Variants in MGAT4C observed in about 807,000 individuals in gnomAD.
MGAT4C encodes alpha-1,3-mannosyl-glycoprotein 4-beta-N-acetylglucosaminyltransferase C.
Under a neutral mutation model 40.1 loss-of-function variants are expected in MGAT4C, and 19 were observed. The ratio of observed to expected loss-of-function variants is 0.47; its 90% CI spans 0.33 to 0.70. The LOEUF (loss-of-function observed/expected upper bound fraction) is 0.70. Among genes scored for constraint, MGAT4C ranks in the 30% least tolerant of loss-of-function variants. The probability of loss-of-function intolerance (pLI) is 0.02; values close to 1 mark genes in which losing one functional copy is unlikely to be tolerated. For missense variants in MGAT4C, 491 were observed against 563.2 expected (o/e 0.87, Z 1.30); for synonymous variants, 181 against 187.1 (o/e 0.97, Z 0.27).
At chr12:85,992,058 T>G (rs759293894) in intron 2 of MGAT4C, among the ~76,000 whole-genome samples, 56 of 152,164 alleles carry the variant, frequency 3.7e-4, no homozygotes, top group Non-Finnish European at 6.9e-4. Context: ...TGTAACATTT[T>G]GGGGGCTCAT....
Position 86,354,481 on chromosome 12 carries a change from G to A in MGAT4C, c.-119-20354C>T, listed in dbSNP as rs367941515. Among the ~76,000 whole-genome samples the A allele has an allele frequency of 9.5e-4, 145 of 152,176 alleles. No homozygotes were observed. In the South Asian group the frequency reaches 0.021, roughly 22 times the overall value. On this transcript the variant is annotated intron_variant, in intron 3 of 7. Transcript: ENST00000548651. ...AAAGCAGATATTATAAATGCGTCTC[G>A]ATGAAGGCAAAAGCCCTTGAAATGA...
chr12:86,505,430 T>C (rs1351271093), intron 2 of MGAT4C, among the ~76,000 whole-genome samples: 1 of 152,200 alleles, frequency 6.6e-6, no homozygotes, highest in African/African-American at 2.4e-5. Context: ...TATGCCAGTT[T>C]AGGTGAGGCC....
At chr12:86,394,083 G>A (rs1171005789) in intron 3 of MGAT4C, among the ~76,000 whole-genome samples, 1 of 152,152 alleles carries the variant, frequency 6.6e-6, no homozygotes, top group Non-Finnish European at 1.5e-5. Flanking sequence ...AATAGCAGAT[G>A]CTGAGCAGCC....
intron 3 of MGAT4C, among the ~76,000 whole-genome samples, chr12:86,419,098 C>T (rs992878218): frequency 2.0e-5 from 3 of 152,010 alleles, no homozygotes; most frequent in African/African-American, 7.2e-5. Flanking sequence ...CAATCAAATG[C>T]ATTCATGAGG....
At chr12:86,804,795 G>T (rs941651655) in intron 1 of MGAT4C, among the ~76,000 whole-genome samples, 1 of 151,854 alleles carries the variant, frequency 6.6e-6, no homozygotes, top group Non-Finnish European at 1.5e-5. Context: ...GCAAACTTAT[G>T]GCACATTTTT....
intron 1 of MGAT4C, among the ~76,000 whole-genome samples, chr12:86,072,156 G>T (rs1386197320): frequency 6.6e-6 from 1 of 151,876 alleles, no homozygotes; most frequent in Non-Finnish European, 1.5e-5. Context: ...CTCTTTTACA[G>T]ATGATAGAAC....
intron 2 of MGAT4C, among the ~76,000 whole-genome samples, chr12:86,683,726 CCCA>C (rs1950023263): frequency 6.6e-6 from 1 of 152,132 alleles, no homozygotes; most frequent in Middle Eastern, 3.2e-3. Flanking sequence ...AGAATTTCTC[CCCA>C]CGTTTTTTTC....
intron 1 of MGAT4C, among the ~76,000 whole-genome samples, chr12:86,168,094 A>G (rs1228166740): frequency 6.6e-6 from 1 of 152,228 alleles, no homozygotes; most frequent in Admixed American, 6.5e-5. Flanking sequence ...TCTCTTTATC[A>G]AATATCATTT....
At chr12:86,831,511 C>T (rs1207465535) in intron 1 of MGAT4C, among the ~76,000 whole-genome samples, 1 of 151,842 alleles carries the variant, frequency 6.6e-6, no homozygotes, top group Non-Finnish European at 1.5e-5. Context: ...TGTATATAAA[C>T]ACTCTCACAT....
intron 2 of MGAT4C, among the ~76,000 whole-genome samples, chr12:86,440,568 A>C (rs1194009878): frequency 6.6e-6 from 1 of 152,118 alleles, no homozygotes; most frequent in Non-Finnish European, 1.5e-5. Context: ...GAACTGGAAG[A>C]ATACAGGGAT....
At chr12:86,178,664 C>T (rs2135857435) in intron 1 of MGAT4C, among the ~76,000 whole-genome samples, 1 of 152,268 alleles carries the variant, frequency 6.6e-6, no homozygotes, top group Middle Eastern at 3.4e-3. Flanking sequence ...GACTGCTTGC[C>T]TTTAGATTTG....
intron 4 of MGAT4C, among the ~76,000 whole-genome samples, chr12:86,326,008 C>T (rs187479145): frequency 2.0e-5 from 3 of 152,014 alleles, no homozygotes; most frequent in Admixed American, 6.6e-5. Context: ...AAGTTAAGAC[C>T]ATCTTGACTC....
chr12:86,039,802 G>A (rs1483389930), intron 2 of MGAT4C, among the ~76,000 whole-genome samples: 1 of 152,118 alleles, frequency 6.6e-6, no homozygotes, highest in African/African-American at 2.4e-5. Context: ...GAAAAGAGGG[G>A]TTCTGGTTTT....
chr12:86,293,523 G>T (rs1355615786), intron 4 of MGAT4C, among the ~76,000 whole-genome samples: 2 of 152,120 alleles, frequency 1.3e-5, no homozygotes, highest in African/African-American at 4.8e-5. Flanking sequence ...ACCTATTGAA[G>T]AAATCTGAAT....
At chr12:86,623,765 A>G (rs542766345) in intron 2 of MGAT4C, among the ~76,000 whole-genome samples, 1 of 152,334 alleles carries the variant, frequency 6.6e-6, no homozygotes, top group East Asian at 1.9e-4. Flanking sequence ...GTCTGAGAAC[A>G]ATGTATGAAA....
intron 2 of MGAT4C, among the ~76,000 whole-genome samples, chr12:86,507,539 C>G (rs535071830): frequency 2.6e-4 from 39 of 152,274 alleles, no homozygotes; most frequent in African/African-American, 9.1e-4. Context: ...GAAGAATATG[C>G]TTTCCTTGCC....
chr12:86,515,936 G>T (rs1958679036), intron 2 of MGAT4C, among the ~76,000 whole-genome samples: 1 of 151,912 alleles, frequency 6.6e-6, no homozygotes, highest in African/African-American at 2.4e-5. Context: ...AGTAGAGACG[G>T]GGTTTCACCA....
chr12:86,835,067 A>G (rs1953009120), intron 1 of MGAT4C, among the ~76,000 whole-genome samples: 1 of 151,936 alleles, frequency 6.6e-6, no homozygotes, highest in Non-Finnish European at 1.5e-5. Context: ...AAAATTTTCC[A>G]AATATCAATG....
chr12:86,800,551 A>G (rs1952206551), intron 1 of MGAT4C, among the ~76,000 whole-genome samples: 1 of 151,948 alleles, frequency 6.6e-6, no homozygotes, highest in Admixed American at 6.6e-5. Flanking sequence ...GGTCCTGCTC[A>G]TGCAGATGAA....
Sources: gnomAD v4.1 joint callset for allele counts (sites outside exome capture counted in the v4.1 genomes callset) on GRCh38, gnomAD v4.1.1 for gene constraint, MANE v1.5 for transcripts, NCBI Gene and HGNC (gene_info 2026-07-23, HGNC 2026-07-21) for gene names.